IRX4: variants seen among roughly 807,000 people sequenced by gnomAD.
IRX4 encodes iroquois homeobox 4.
IRX4 carries 22 observed loss-of-function variants against 32.0 expected under a neutral mutation model. The observed-to-expected ratio is 0.69, with a 90% CI of 0.49 to 0.98. The LOEUF is 0.98. Ranked by LOEUF, IRX4 falls within the 50% of genes least tolerant of loss-of-function variation. The probability of loss-of-function intolerance (pLI) is 0.00; values close to 1 mark genes in which losing one functional copy is unlikely to be tolerated. For synonymous variants in IRX4, 379 were observed against 351.7 expected, an observed-to-expected ratio of 1.08 and a Z score of -0.87; for missense variants, 840 against 744.2, an observed-to-expected ratio of 1.13 and a Z score of -1.50.
In IRX4 at chr5:1,877,697, AG is replaced by A. The variant is rs1224617549; in HGVS notation, c.*271del. 1.1e-5 allele frequency: 5 copies of A among 471,640 alleles called. No individual in the cohort carries two copies. The Admixed American group carries it at 2.1e-4, about 20-fold the overall frequency. The allele number at this position is 471,640 out of a possible 1,614,324, so 29.2% of individuals were successfully genotyped here. The stretch of plus-strand genomic sequence containing the variant: ...ACTTTTGACGTAAACTTTATGCTTC[AG>A]GGTATCTGGCCTCTTCTGCTCCGAG... On this transcript the variant is annotated 3_prime_UTR_variant, in exon 5 of 5. Coordinates refer to ENST00000231357, the MANE Select transcript of IRX4 (RefSeq NM_016358.3).
chr5:1,878,248 G>A lies in IRX4; in HGVS notation c.1281C>T (p.His427=), dbSNP rs1735276871. 2 of 1,604,522 alleles carry A rather than the reference G, an allele frequency of 1.2e-6. No homozygotes were observed. Among genetic ancestry groups the A allele is most frequent in the African/African-American group, 1.3e-5 (1 of 74,914 alleles). Residue 427 remains histidine, a synonymous_variant, in exon 5 of 5, where the codon CAC becomes CAT. Coordinates refer to ENST00000231357, the MANE Select transcript of IRX4 (RefSeq NM_016358.3). Reference sequence around the variant, plus strand: ...TGAGACTGGTTACCGGGGAGTCCTGGTGCCTGTCCAGGGCGCCAGAGTGGG... The same window carrying A: ...TGAGACTGGTTACCGGGGAGTCCTGATGCCTGTCCAGGGCGCCAGAGTGGG... The part of the protein sequence containing the change: ...ALPHSGALDR[H]QDSPVTSLRN...
In IRX4 at chr5:1,877,847, C is replaced by T; in HGVS notation, c.*122G>A. ...CCCAGGAGTCCAAGTTCAGAAGCCC[C>T]CTCTCCGGTGGGTTGGCGGCTTCGC... is the stretch of plus-strand genomic sequence containing the variant. On this transcript the variant is annotated 3_prime_UTR_variant, in exon 5 of 5. Coordinates refer to ENST00000231357, the MANE Select transcript of IRX4 (RefSeq NM_016358.3). 1 of 909,528 alleles carries T rather than the reference C, an allele frequency of 1.1e-6. No individual in the cohort carries two copies. The highest frequency in any genetic ancestry group is 1.6e-6 in the Non-Finnish European group (1 of 619,020). The allele number at this position is 909,528 out of a possible 1,614,324, so 56.3% of individuals were successfully genotyped here.
At chr5:1,886,015 C>T (rs569143938), upstream of IRX4, among the ~76,000 whole-genome samples, 7 of 152,376 alleles carry the variant, frequency 4.6e-5, no homozygotes, top group South Asian at 1.2e-3. Context: ...GAGGTGCTCC[C>T]GCTGGCCTGG....
chr5:1,882,584 G>A lies in IRX4; in HGVS notation c.45+19C>T. ...TACCGGCACCTGCGGTGGCCTGGGC[G>A]GGGCGGGGCTCCGCTTACCTGGGGA... On this transcript the variant is annotated intron_variant, in intron 1 of 4. Coordinates refer to ENST00000231357, the MANE Select transcript of IRX4 (RefSeq NM_016358.3). The A allele has an allele frequency of 1.3e-6, 2 of 1,490,474 alleles. No homozygotes were observed. Among genetic ancestry groups the A allele is most frequent in the Non-Finnish European group, 1.8e-6 (2 of 1,123,088 alleles). 92.3% of individuals were successfully genotyped at this position (1,490,474 alleles called of 1,614,324 possible). A position where few individuals can be genotyped will look rare whatever the true frequency, so the allele number is the denominator to read the frequency against.
intron 2 of IRX4, among the ~76,000 whole-genome samples, chr5:1,881,435 A>T (rs3797063): frequency 0.26 from 38,458 of 148,792 alleles, 5,203 homozygotes; most frequent in East Asian, 0.3. Context: ...AGGGGCTGGG[A>T]GGACAGGAAG....
At chr5:1,879,970 G>C in intron 3 of IRX4, 138 bp from the exon 4 acceptor site, 1 of 1,499,804 alleles carries the variant, frequency 6.7e-7, no homozygotes, top group African/African-American at 1.4e-5. Flanking sequence ...ATGGTCATAA[G>C]GCCCAGGTAG....
Position 1,879,537 on chromosome 5 carries a change from G to T in IRX4, c.703C>A (p.Arg235=), listed in dbSNP as rs771027889. 100 of 1,613,270 alleles carry T rather than the reference G, an allele frequency of 6.2e-5. No individual in the cohort carries two copies. Among genetic ancestry groups the T allele is most frequent in the Non-Finnish European group, 8.3e-5 (98 of 1,180,008 alleles). The change falls in exon 4 of 5, where the codon CGG becomes AGG. Residue 235 remains arginine (R), a synonymous_variant. Coordinates refer to ENST00000231357, the MANE Select transcript of IRX4 (RefSeq NM_016358.3). ...TTGGAGCTCTTGAGGGGCTCCTCCC[G>T]CGCCTCCTCCTCGCCCCCCTCCTCC... The part of the protein sequence containing the change: ...EEEEGGEEEA[R]EEPLKSSKNA...
Position 1,879,544 on chromosome 5 carries a change from C to T in IRX4, c.696G>A (p.Glu232=), listed in dbSNP as rs1213821348. The T allele has an allele frequency of 4.3e-6, 7 of 1,613,192 alleles. No individual in the cohort carries two copies. The highest frequency in any genetic ancestry group is 1.1e-5 in the South Asian group (1 of 91,072). ...TCTTGAGGGGCTCCTCCCGCGCCTC[C>T]TCCTCGCCCCCCTCCTCCTCCTCGC... ...AEGEEEEGGE[E]EAREEPLKSS... The change falls in exon 4 of 5, where the codon GAG becomes GAA. Residue 232 remains glutamate, a synonymous_variant. Coordinates refer to ENST00000231357, the MANE Select transcript of IRX4 (RefSeq NM_016358.3).
Position 1,879,739 on chromosome 5 carries a change from G to A in IRX4, c.501C>T (p.Asn167=). 1 of 1,614,246 alleles carries A rather than the reference G, an allele frequency of 6.2e-7. No individual in the cohort carries two copies. The highest frequency in any genetic ancestry group is 1.7e-5 in the Admixed American group (1 of 60,034). ...TCTTCTCGCCCTTGGTGGGGTAGGG[G>A]TTCTTGCGGTGCTCCTGCAGCCAGG... ...LKAWLQEHRK[N]PYPTKGEKIM... The change falls in exon 4 of 5, where the codon AAC becomes AAT. Residue 167 remains asparagine, a synonymous_variant. Transcript: ENST00000231357.
rs1262436453 is a variant in IRX4 at position 1,878,052 on chromosome 5, C to T, written c.1477G>A (p.Val493Met). 2.6e-6 allele frequency: 4 copies of T among 1,511,634 alleles called. No homozygotes were observed. The highest frequency in any genetic ancestry group is 1.4e-5 in the African/African-American group (1 of 70,504). The allele number at this position is 1,511,634 out of a possible 1,614,324, so 93.6% of individuals were successfully genotyped here. A position where few individuals can be genotyped will look rare whatever the true frequency, so the allele number is the denominator to read the frequency against. The change falls in exon 5 of 5, where the codon GTG becomes ATG. Residue 493 changes from valine (V) to methionine (M), a missense_variant. By Grantham distance (21) the Val-to-Met change is conservative. Transcript: ENST00000231357. ...APLARAFPPA[V>M]PQDAPAAGAA... ...CCTGCAGCTGGGGCGTCCTGGGGCA[C>T]GGCAGGCGGAAAGGCGCGGGCCAGG...
In IRX4 at chr5:1,878,432, G is replaced by T; in HGVS notation, c.1097C>A (p.Pro366Gln). 3 of 1,508,920 alleles carry T rather than the reference G, an allele frequency of 2.0e-6. No homozygotes were observed. Among genetic ancestry groups the T allele is most frequent in the South Asian group, 1.3e-5 (1 of 79,216 alleles). 93.5% of individuals were successfully genotyped at this position (1,508,920 alleles called of 1,614,324 possible). A position where few individuals can be genotyped will look rare whatever the true frequency, so the allele number is the denominator to read the frequency against. ...AGASAGLEAK[P>Q]RIWSLAHTAT... ...TGTGTGGGCCAGGGACCAGATGCGC[G>T]GCTTAGCCTCCAGGCCTGCCGACGC... is the stretch of plus-strand genomic sequence containing the variant. Residue 366 changes from proline (P) to glutamine (Q), a missense_variant, in exon 5 of 5, where the codon CCG becomes CAG. Coordinates refer to ENST00000231357, the MANE Select transcript of IRX4 (RefSeq NM_016358.3).
At chr5:1,887,092 C>CCGCGAGGGCTCCGCGCGGAAGCTCGG (rs1356999479), upstream of IRX4, 1 of 151,526 alleles carries the variant, frequency 6.6e-6, no homozygotes, top group East Asian at 2.0e-4. Context: ...TCCCGGCAGC[C>CCGCGAGGGCTCCGCGCGGAAGCTCGG]CGCGAGGGCT....
rs570462700 is a variant in IRX4, at chr5:1,878,385, C to T, written c.1144G>A (p.Ala382Thr). The T allele has an allele frequency of 6.8e-6, 10 of 1,476,450 alleles. No homozygotes were observed. The highest frequency in any genetic ancestry group is 2.7e-5 in the South Asian group (2 of 74,928). The allele number at this position is 1,476,450 out of a possible 1,614,324, so 91.5% of individuals were successfully genotyped here. Residue 382 changes from alanine to threonine, a missense_variant, in exon 5 of 5, where the codon GCC (alanine) becomes ACC (threonine). Ala to Thr is a moderately conservative substitution (Grantham distance 58, BLOSUM62 0). This residue lies in a region of IRX4 where 585 missense variants were observed against 488.0 expected (regional missense o/e 1.20). Transcript: ENST00000231357. ...AHTATAAAAA[A>T]TSLSQTEFPS... ...AACTCAGTCTGGCTCAGGGAGGTGG[C>T]GGCGGCGGCGGCGGCGGTGGCTGTG...
chr5:1,882,813 T>C lies in IRX4; in HGVS notation c.-166A>G. ...CGCTCCGCAAACTTTTCTAACCGGGTAACAAAGTGAGCAGCGGTGGCCGCC... is the reference window on the plus strand; with the variant it reads ...CGCTCCGCAAACTTTTCTAACCGGGCAACAAAGTGAGCAGCGGTGGCCGCC... On this transcript the variant is annotated 5_prime_UTR_variant, in exon 1 of 5. Coordinates refer to ENST00000231357, the MANE Select transcript of IRX4 (RefSeq NM_016358.3). 2.4e-6 allele frequency: 1 copy of C among 419,098 alleles called. No individual in the cohort carries two copies. Among genetic ancestry groups the C allele is most frequent in the Admixed American group, 4.4e-5 (1 of 22,644 alleles). 26.0% of individuals were successfully genotyped at this position (419,098 alleles called of 1,614,324 possible). A position where few individuals can be genotyped will look rare whatever the true frequency, so the allele number is the denominator to read the frequency against.
intron 2 of IRX4, 98 bp downstream of exon 2, chr5:1,881,710 C>T (rs2111446705): frequency 6.9e-7 from 1 of 1,455,074 alleles, no homozygotes; most frequent in Non-Finnish European, 9.4e-7. Flanking sequence ...CCCTCTGTGA[C>T]AGTCCGGGGA....
rs1328076487 is a variant in IRX4, at chr5:1,878,432, G to A, written c.1097C>T (p.Pro366Leu). Reference protein sequence around the residue: ...AGASAGLEAKPRIWSLAHTAT... With the variant: ...AGASAGLEAKLRIWSLAHTAT... ...TGTGTGGGCCAGGGACCAGATGCGCGGCTTAGCCTCCAGGCCTGCCGACGC... is the reference window on the plus strand; with the variant it reads ...TGTGTGGGCCAGGGACCAGATGCGCAGCTTAGCCTCCAGGCCTGCCGACGC... Residue 366 changes from proline to leucine, a missense_variant, in exon 5 of 5, where the codon CCG becomes CTG. Pro to Leu is a moderately conservative substitution (Grantham distance 98). Coordinates refer to ENST00000231357, the MANE Select transcript of IRX4 (RefSeq NM_016358.3). 1.3e-5 allele frequency: 19 copies of A among 1,508,804 alleles called. No homozygotes were observed. In the South Asian group the frequency reaches 1.6e-4, roughly 13 times the overall value. The allele number at this position is 1,508,804 out of a possible 1,614,324, so 93.5% of individuals were successfully genotyped here.
chr5:1,879,149 G>A (rs1291887188), intron 4 of IRX4, among the ~76,000 whole-genome samples: 12 of 152,008 alleles, frequency 7.9e-5, no homozygotes, highest in Admixed American at 7.2e-4. Context: ...CCGCCACCAC[G>A]CCCGGCTAAT....
In IRX4 at chr5:1,878,772, TCTC is replaced by T. The variant is rs763240534; in HGVS notation, c.754_756del (p.Glu252del). The T allele has an allele frequency of 3.0e-5, 49 of 1,613,124 alleles. No individual in the cohort carries two copies. The highest frequency in any genetic ancestry group is 3.3e-4 in the Middle Eastern group (2 of 6,082). On this transcript the variant is annotated inframe_deletion, in exon 5 of 5. Transcript: ENST00000231357. ...TCCAAGTCACTAAGCTCCAGCTCCT[TCTC>T]CTCTTTGCCCACGGGCTCTGCGGGA...
chr5:1,880,195 A>T, intron 3 of IRX4: 3 of 1,414,348 alleles, frequency 2.1e-6, no homozygotes, highest in South Asian at 2.5e-5. Context: ...GAGATGTAAC[A>T]CGTGTGGCAG....
Sources: allele counts gnomAD v4.1 joint callset (sites outside exome capture counted in the v4.1 genomes callset), GRCh38; gene constraint gnomAD v4.1.1; regional missense constraint gnomAD v4.1.1; transcripts MANE v1.5; gene names NCBI Gene and HGNC (gene_info 2026-07-23, HGNC 2026-07-21).